GSTA5: variants seen among roughly 807,000 people sequenced by gnomAD.
The protein encoded by GSTA5 is glutathione S-transferase A5.
A neutral mutation model predicts 21.8 loss-of-function variants in GSTA5; 25 were observed. The ratio of observed to expected loss-of-function variants is 1.14; its 90% CI spans 0.83 to 1.60. The LOEUF (loss-of-function observed/expected upper bound fraction) is 1.60, where lower values mean the gene tolerates loss of function less well. GSTA5 is among the 40% of genes most tolerant of loss of function. The probability of loss-of-function intolerance (pLI) is 0.00; values close to 1 mark genes in which losing one functional copy is unlikely to be tolerated. For missense variants in GSTA5, 330 were observed against 259.2 expected, an observed-to-expected ratio of 1.27 and a Z score of -1.88; for synonymous variants, 102 against 89.5, an observed-to-expected ratio of 1.14 and a Z score of -0.78.
intron 5 of GSTA5, among the ~76,000 whole-genome samples, chr6:52,832,344 T>A (rs1764229106): frequency 6.6e-6 from 1 of 152,052 alleles, no homozygotes; most frequent in Admixed American, 6.5e-5. Flanking sequence ...AAGGAAAATG[T>A]TATAGAAAAC....
At chr6:52,834,048 A>G in intron 4 of GSTA5, 93 bp downstream of exon 4, 5 of 1,381,898 alleles carry the variant, frequency 3.6e-6, no homozygotes, top group Non-Finnish European at 5.1e-6. Flanking sequence ...GTCTCACTGA[A>G]AGTGAAGGTC....
At chr6:52,836,428 G>GA (rs1039026802) in intron 2 of GSTA5, 60 bp from the exon 3 acceptor site, 7 of 1,512,002 alleles carry the variant, frequency 4.6e-6, no homozygotes, top group Admixed American at 2.0e-5. Context: ...CTTTTGGGAT[G>GA]AAAAAAATGG....
At chr6:52,842,554 T>C (rs1187928478), upstream of GSTA5, among the ~76,000 whole-genome samples, 1 of 151,966 alleles carries the variant, frequency 6.6e-6, no homozygotes, top group Admixed American at 6.6e-5. Flanking sequence ...TACCAGCACA[T>C]GCCACCACAC....
intron 5 of GSTA5, among the ~76,000 whole-genome samples, chr6:52,832,435 G>C (rs1764230280): frequency 6.6e-6 from 1 of 152,164 alleles, no homozygotes; most frequent in South Asian, 2.1e-4. Flanking sequence ...GCTGTGCAGA[G>C]AGGACCACAA....
chr6:52,834,327 G>C, intron 3 of GSTA5, 45 bp from the exon 4 acceptor site: 4 of 1,566,452 alleles, frequency 2.6e-6, no homozygotes, highest in African/African-American at 1.4e-5. Context: ...TTTTGCCTTA[G>C]ATTTTATAGG....
At chr6:52,839,073 G>A (rs1011101784) in intron 1 of GSTA5, among the ~76,000 whole-genome samples, 2 of 152,142 alleles carry the variant, frequency 1.3e-5, no homozygotes, top group African/African-American at 2.4e-5. Context: ...AGAGGTCATG[G>A]GGGTGTGTGC....
intron 3 of GSTA5, 41 bp from the exon 4 acceptor site, chr6:52,834,323 C>T (rs4515386): frequency 6.3e-7 from 1 of 1,578,870 alleles, no homozygotes; most frequent in African/African-American, 1.4e-5. Context: ...TGCCTTTTGC[C>T]TTAGATTTTA....
chr6:52,837,392 G>T (rs1234507471), intron 2 of GSTA5, among the ~76,000 whole-genome samples, 166 bp downstream of exon 2: 1 of 152,114 alleles, frequency 6.6e-6, no homozygotes, highest in Non-Finnish European at 1.5e-5. Flanking sequence ...GGAGAGAGTT[G>T]CCAGACCTGA....
At chr6:52,839,562 G>A (rs892802215) in intron 1 of GSTA5, among the ~76,000 whole-genome samples, 1 of 152,188 alleles carries the variant, frequency 6.6e-6, no homozygotes, top group Non-Finnish European at 1.5e-5. Context: ...GGTCCACACG[G>A]CGCTGTGAGG....
rs752227793 is a variant in GSTA5, at chr6:52,840,714, A to C, written c.87+13T>G. On this transcript the variant is annotated intron_variant, in intron 1 of 5. Transcript: ENST00000370989. ...TTTAAATCCAACTTAAGATGACCTT[A>C]CTCAGAACCTACCTCTACTCCAGCT... The C allele has an allele frequency of 3.7e-6, 6 of 1,611,014 alleles. No homozygotes were observed. The highest frequency in any genetic ancestry group is 1.3e-5 in the African/African-American group (1 of 74,964).
chr6:52,840,687 AT>A, intron 1 of GSTA5, 39 bp downstream of exon 1: 1 of 1,572,018 alleles, frequency 6.4e-7, no homozygotes, highest in Non-Finnish European at 8.8e-7. Context: ...TGATAACGCA[AT>A]TTTAAATCCA....
chr6:52,842,035 GTA>G (rs2127325619), upstream of GSTA5, among the ~76,000 whole-genome samples: 1 of 152,334 alleles, frequency 6.6e-6, no homozygotes, highest in South Asian at 2.1e-4. Flanking sequence ...TATATTGTGT[GTA>G]TGGATGTTTG....
chr6:52,836,908 C>T (rs1365103891), intron 2 of GSTA5, among the ~76,000 whole-genome samples: 1 of 152,006 alleles, frequency 6.6e-6, no homozygotes, highest in African/African-American at 2.4e-5. Context: ...TTTTTATTTC[C>T]CCTCCAGATA....
At chr6:52,837,728 A>T (rs184798669) in intron 1 of GSTA5, 119 bp from the exon 2 acceptor site, 1 of 727,184 alleles carries the variant, frequency 1.4e-6, no homozygotes, top group East Asian at 2.7e-5. Flanking sequence ...GTTTCGCAGG[A>T]TATACAGAGG....
At chr6:52,837,725 AG>A in intron 1 of GSTA5, 116 bp from the exon 2 acceptor site, 1 of 743,380 alleles carries the variant, frequency 1.3e-6, no homozygotes, top group Non-Finnish European at 2.2e-6. Context: ...TGAGTTTCGC[AG>A]GATATACAGA....
chr6:52,842,919 A>G (rs1351422789), upstream of GSTA5, among the ~76,000 whole-genome samples: 2 of 152,076 alleles, frequency 1.3e-5, no homozygotes. Flanking sequence ...ACCCCACTAT[A>G]GGTCCCGGTG....
chr6:52,835,789 G>C (rs192503619), intron 3 of GSTA5, among the ~76,000 whole-genome samples: 255 of 152,266 alleles, frequency 1.7e-3, no homozygotes, highest in Middle Eastern at 3.4e-3. Flanking sequence ...TGGTAATTTA[G>C]GTTCCTGGTC....
intron 3 of GSTA5, 80 bp from the exon 4 acceptor site, chr6:52,834,362 G>A: frequency 7.0e-7 from 1 of 1,419,520 alleles, no homozygotes. Flanking sequence ...AGAAAATAGA[G>A]GGTCAGATGG....
At chr6:52,845,736 A>G (rs1414510421), upstream of GSTA5, among the ~76,000 whole-genome samples, 1 of 152,178 alleles carries the variant, frequency 6.6e-6, no homozygotes, top group Non-Finnish European at 1.5e-5. Flanking sequence ...TTTTGCATAC[A>G]TTGCCACTTC....
Sources: allele counts gnomAD v4.1 joint callset (sites outside exome capture counted in the v4.1 genomes callset), GRCh38; gene constraint gnomAD v4.1.1; transcripts MANE v1.5; gene names NCBI Gene and HGNC (gene_info 2026-07-23, HGNC 2026-07-21).